NRXN1: variants seen among roughly 807,000 people sequenced by gnomAD.
NRXN1 encodes neurexin-1.
Under a neutral mutation model 150.9 loss-of-function variants are expected in NRXN1, and 39 were observed. The observed-to-expected ratio is 0.26, with a 90% CI of 0.20 to 0.34. The LOEUF is 0.34. Ranked by LOEUF, NRXN1 falls within the 10% of genes least tolerant of loss-of-function variation. The probability of loss-of-function intolerance (pLI) is 1.00; values close to 1 mark genes in which losing one functional copy is unlikely to be tolerated. For missense variants in NRXN1, 1,815 were observed against 1,949.9 expected (o/e 0.93, Z 1.30); for synonymous variants, 924 against 757.0 (o/e 1.22, Z -3.62).
intron 9 of NRXN1, among the ~76,000 whole-genome samples, chr2:50,544,043 C>T (rs1223711145): frequency 6.6e-6 from 1 of 152,048 alleles, no homozygotes; most frequent in Admixed American, 6.5e-5. Context: ...TATTAAGATT[C>T]ATTTTTGAAT....
chr2:50,785,182 A>G (rs2105547706), intron 5 of NRXN1, among the ~76,000 whole-genome samples: 1 of 152,124 alleles, frequency 6.6e-6, no homozygotes, highest in East Asian at 1.9e-4. Context: ...GCCTAGCCAG[A>G]AACTGACCAT....
At chr2:50,117,458 C>A in intron 18 of NRXN1, among the ~76,000 whole-genome samples, 1 of 152,020 alleles carries the variant, frequency 6.6e-6, no homozygotes. Flanking sequence ...TGTGAGTAAG[C>A]AATATAAGCA....
chr2:50,063,855 C>T (rs1694943886), intron 19 of NRXN1, among the ~76,000 whole-genome samples: 1 of 152,068 alleles, frequency 6.6e-6, no homozygotes, highest in Non-Finnish European at 1.5e-5. Context: ...ATGGTGAGCA[C>T]ATGGTAATTG....
At chr2:50,319,616 C>T (rs1029648793) in intron 17 of NRXN1, among the ~76,000 whole-genome samples, 4 of 151,972 alleles carry the variant, frequency 2.6e-5, no homozygotes, top group African/African-American at 9.7e-5. Context: ...GCCTAGATTC[C>T]AGGCATTCAT....
At chr2:50,994,587 C>A (rs978487088) in intron 2 of NRXN1, among the ~76,000 whole-genome samples, 1 of 151,950 alleles carries the variant, frequency 6.6e-6, no homozygotes. Context: ...TTTAAACTTC[C>A]TCTTCCATAA....
At chr2:50,740,546 G>T (rs922430200) in intron 5 of NRXN1, among the ~76,000 whole-genome samples, 1 of 152,040 alleles carries the variant, frequency 6.6e-6, no homozygotes. Context: ...CTAATAAACT[G>T]GTGTATTTTC....
chr2:50,158,918 G>T (rs776394971), intron 18 of NRXN1, among the ~76,000 whole-genome samples: 1 of 152,028 alleles, frequency 6.6e-6, no homozygotes, highest in African/African-American at 2.4e-5. Context: ...GTCAGGATAC[G>T]ACAAAAAACG....
chr2:50,950,487 A>T (rs764942151), intron 2 of NRXN1, among the ~76,000 whole-genome samples: 5 of 152,196 alleles, frequency 3.3e-5, no homozygotes, highest in Non-Finnish European at 7.4e-5. Flanking sequence ...CATATTAACA[A>T]TGAATTGAAG....
At chr2:51,009,375 C>T (rs1038144373) in intron 2 of NRXN1, 1 of 151,798 alleles carries the variant, frequency 6.6e-6, no homozygotes, top group African/African-American at 2.4e-5. Flanking sequence ...AATGAGCATG[C>T]AAATCAATTT....
chr2:50,055,927 A>G (rs1450364176), intron 19 of NRXN1, among the ~76,000 whole-genome samples: 1 of 152,168 alleles, frequency 6.6e-6, no homozygotes, highest in East Asian at 1.9e-4. Context: ...TTCTTTGCAT[A>G]AAAAATTATC....
chr2:50,728,126 C>T (rs1244016921), intron 5 of NRXN1, among the ~76,000 whole-genome samples: 2 of 152,090 alleles, frequency 1.3e-5, no homozygotes, highest in African/African-American at 4.8e-5. Context: ...GTGCACTGTA[C>T]AAACAAGCAT....
intron 21 of NRXN1, among the ~76,000 whole-genome samples, chr2:50,042,727 T>C (rs1691195472): frequency 6.6e-6 from 1 of 151,502 alleles, no homozygotes; most frequent in Admixed American, 6.6e-5. Flanking sequence ...AAGATGCTTG[T>C]CAAAAAAAAA....
intron 8 of NRXN1, among the ~76,000 whole-genome samples, chr2:50,600,945 T>TTA (rs1553867703): frequency 2.0e-5 from 3 of 150,186 alleles, no homozygotes; most frequent in East Asian, 3.9e-4. Flanking sequence ...ATTTGTGAAT[T>TTA]AAAAAAAAAT....
chr2:50,836,001 T>C (rs1019781872), intron 5 of NRXN1, among the ~76,000 whole-genome samples: 4 of 152,226 alleles, frequency 2.6e-5, no homozygotes, highest in African/African-American at 9.6e-5. Flanking sequence ...ATCTAAACTG[T>C]GGTGCTTGCA....
chr2:49,982,893 A>C (rs1680211397), intron 21 of NRXN1, among the ~76,000 whole-genome samples: 1 of 152,152 alleles, frequency 6.6e-6, no homozygotes, highest in Non-Finnish European at 1.5e-5. Context: ...ACAATCTGTT[A>C]AACTACTTTT....
chr2:50,591,219 C>T (rs763438641), intron 8 of NRXN1, among the ~76,000 whole-genome samples: 9 of 151,584 alleles, frequency 5.9e-5, no homozygotes, highest in Non-Finnish European at 8.8e-5. Context: ...ACATTTTATC[C>T]GAACTTGGTT....
At chr2:50,933,650 C>A (rs1196823292) in intron 2 of NRXN1, among the ~76,000 whole-genome samples, 2 of 152,036 alleles carry the variant, frequency 1.3e-5, no homozygotes, top group East Asian at 3.9e-4. Context: ...GAATATTGGT[C>A]ATGTGGAAGA....
rs1165456671 is a variant in NRXN1, at chr2:50,023,970, C to T, written c.4128+29301G>A. 5 of 152,100 alleles carry T rather than the reference C, an allele frequency of 3.3e-5. No homozygotes were observed. The South Asian group carries it at 6.2e-4, about 19-fold the overall frequency. 9.4% of individuals were successfully genotyped at this position (152,100 alleles called of 1,614,324 possible). On this transcript the variant is annotated intron_variant, in intron 21 of 22. Transcript: ENST00000401669. ...TATTTTGTACAATTTTCATAGCACC[C>T]CAGGCATTAGGTGTTTTTATTCCTA...
At chr2:49,966,868 A>G (rs1489564078) in intron 21 of NRXN1, among the ~76,000 whole-genome samples, 1 of 152,160 alleles carries the variant, frequency 6.6e-6, no homozygotes, top group African/African-American at 2.4e-5. Context: ...GGAGATTCTG[A>G]GACCACCTTC....
Sources: allele counts gnomAD v4.1 joint callset (sites outside exome capture counted in the v4.1 genomes callset), GRCh38; gene constraint gnomAD v4.1.1; transcripts MANE v1.5; gene names NCBI Gene and HGNC (gene_info 2026-07-23, HGNC 2026-07-21).